The following HIBCH variants were observed in gnomAD, a reference collection of about 807,000 sequenced individuals.
HIBCH encodes 3-hydroxyisobutyryl-CoA hydrolase, mitochondrial.
In HIBCH, 50 loss-of-function variants were observed where a neutral mutation model predicts 58.2. The observed-to-expected ratio is 0.86, with a 90% CI of 0.68 to 1.09. The LOEUF (loss-of-function observed/expected upper bound fraction) is 1.09. Among genes scored for constraint, HIBCH ranks in the 50% least tolerant of loss-of-function variants. HIBCH has a pLI of 0.00. For missense variants in HIBCH, 450 were observed against 449.7 expected, an observed-to-expected ratio of 1.00 and a Z score of -0.01; for synonymous variants, 151 against 146.9, an observed-to-expected ratio of 1.03 and a Z score of -0.20.
chr2:190,244,528 A>G (rs933551264), intron 11 of HIBCH, among the ~76,000 whole-genome samples: 1 of 152,222 alleles, frequency 6.6e-6, no homozygotes, highest in Non-Finnish European at 1.5e-5. Context: ...GCAATGTATC[A>G]TAAGGTGACT....
intron 11 of HIBCH, among the ~76,000 whole-genome samples, chr2:190,222,113 T>G (rs1685737447): frequency 6.6e-6 from 1 of 152,150 alleles, no homozygotes; most frequent in Non-Finnish European, 1.5e-5. Context: ...CTTTCTGGGC[T>G]TCAGGGGTCA....
intron 11 of HIBCH, among the ~76,000 whole-genome samples, chr2:190,225,945 G>A (rs1685879185): frequency 6.6e-6 from 1 of 152,156 alleles, no homozygotes; most frequent in Admixed American, 6.5e-5. Context: ...CTTCATCCCT[G>A]GGATGCAAGG....
intron 9 of HIBCH, 84 bp from the exon 10 acceptor site, chr2:190,246,296 A>G (rs916396304): frequency 1.3e-6 from 1 of 778,204 alleles, no homozygotes; most frequent in East Asian, 2.7e-5. Context: ...ACACTTTGTG[A>G]AAGATTGTCA....
intron 6 of HIBCH, among the ~76,000 whole-genome samples, chr2:190,283,393 T>A (rs1687753930): frequency 6.6e-6 from 1 of 152,156 alleles, no homozygotes; most frequent in Admixed American, 6.6e-5. Context: ...AATAGGGGAA[T>A]GACACAGCAG....
chr2:190,241,225 A>G (rs527909898), intron 11 of HIBCH, among the ~76,000 whole-genome samples: 17 of 152,204 alleles, frequency 1.1e-4, no homozygotes, highest in African/African-American at 4.1e-4. Context: ...CCATTATGTA[A>G]TGCCTTTGTC....
intron 7 of HIBCH, 57 bp downstream of exon 7, chr2:190,261,099 A>G: frequency 7.9e-7 from 1 of 1,261,128 alleles, no homozygotes; most frequent in South Asian, 1.2e-5. Context: ...AAACTCTGAA[A>G]CATATCAAAA....
intron 4 of HIBCH, among the ~76,000 whole-genome samples, chr2:190,293,155 G>C (rs889496794): frequency 2.3e-4 from 35 of 151,526 alleles, no homozygotes; most frequent in Non-Finnish European, 4.7e-4. Context: ...TCACAGGCCA[G>C]ACGAAAGGCT....
chr2:190,297,888 A>G (rs1688145968), intron 2 of HIBCH, among the ~76,000 whole-genome samples: 1 of 152,044 alleles, frequency 6.6e-6, no homozygotes, highest in Non-Finnish European at 1.5e-5. Context: ...TATTTGTTCT[A>G]AAGTTCTCCC....
chr2:190,224,209 G>A (rs1685819317), intron 11 of HIBCH, among the ~76,000 whole-genome samples: 1 of 152,236 alleles, frequency 6.6e-6, no homozygotes, highest in Non-Finnish European at 1.5e-5. Context: ...GCTGGGGAAG[G>A]GGCGTCGGCC....
intron 11 of HIBCH, 50 bp from the exon 12 acceptor site, chr2:190,213,125 T>A (rs754026341): frequency 7.2e-7 from 1 of 1,398,350 alleles, no homozygotes; most frequent in South Asian, 1.2e-5. Context: ...TCCTTTATTG[T>A]CTATAATAAA....
intron 6 of HIBCH, among the ~76,000 whole-genome samples, chr2:190,273,243 AT>A (rs1393393789): frequency 6.6e-6 from 1 of 152,022 alleles, no homozygotes; most frequent in Admixed American, 6.5e-5. Flanking sequence ...AAATACAAAA[AT>A]TAGCCAGGTG....
intron 1 of HIBCH, among the ~76,000 whole-genome samples, chr2:190,317,177 C>A (rs145533764): frequency 1.4e-3 from 219 of 152,330 alleles, no homozygotes; most frequent in Non-Finnish European, 2.6e-3. Context: ...GCTAGGATTA[C>A]AGGCATGAAC....
intron 4 of HIBCH, among the ~76,000 whole-genome samples, chr2:190,293,755 C>T (rs1445474708): frequency 6.6e-6 from 1 of 151,474 alleles, no homozygotes; most frequent in Non-Finnish European, 1.5e-5. Flanking sequence ...CTGAACCCTA[C>T]CAAATCCACA....
rs1685606537 is a variant in HIBCH, at chr2:190,217,959, T to G, written c.892-4884A>C. 6.6e-6 allele frequency among the ~76,000 whole-genome samples: 1 copy of G among 151,748 alleles called. No individual in the cohort carries two copies. Among genetic ancestry groups the G allele is most frequent in the African/African-American group, 2.4e-5 (1 of 41,268 alleles). ...TATGAGCAGGCTCCGTCATTGGGGG[T>G]GGATACGGTTAGGATTAATCCTAAC... On this transcript the variant is annotated intron_variant, in intron 11 of 13. Transcript: ENST00000359678. This position sits in a 1 kb window ranked among gnomAD's most constrained non-coding sequence, Gnocchi z 4.6.
chr2:190,250,118 T>C (rs1686719746), intron 8 of HIBCH: 2 of 250,448 alleles, frequency 8.0e-6, no homozygotes, highest in African/African-American at 4.6e-5. Context: ...TATTTATCCA[T>C]CTAATCCCTC....
intron 2 of HIBCH, among the ~76,000 whole-genome samples, chr2:190,302,212 G>A (rs1688281797): frequency 6.6e-6 from 1 of 152,230 alleles, no homozygotes; most frequent in African/African-American, 2.4e-5. Flanking sequence ...CAGAAGCCAA[G>A]AGCAAGCACT....
intron 6 of HIBCH, among the ~76,000 whole-genome samples, chr2:190,269,280 A>G (rs551429476): frequency 6.6e-6 from 1 of 152,346 alleles, no homozygotes; most frequent in African/African-American, 2.4e-5. Flanking sequence ...AGAAACTGTC[A>G]TCAACGTGAA....
Position 190,243,365 on chromosome 2 carries a change from T to G in HIBCH, c.891+1522A>C, listed in dbSNP as rs10173593. Among the ~76,000 whole-genome samples the G allele has an allele frequency of 0.3, 45,139 of 152,034 alleles. 7,513 individuals carry two copies. The highest frequency in any genetic ancestry group is 0.46 in the East Asian group (2,349 of 5,158). On this transcript the variant is annotated intron_variant, in intron 11 of 13. Coordinates refer to ENST00000359678, the MANE Select transcript of HIBCH (RefSeq NM_014362.4). This position sits in a 1 kb window ranked among gnomAD's most constrained non-coding sequence, Gnocchi z 4.1. ...TTGCTCCTCAAGCTTGTAGACAGCCTACTGTGGGACCTTGTGATTGTGCAG... is the reference window on the plus strand; with the variant it reads ...TTGCTCCTCAAGCTTGTAGACAGCCGACTGTGGGACCTTGTGATTGTGCAG...
At chr2:190,258,559 C>T (rs1686995187) in intron 7 of HIBCH, among the ~76,000 whole-genome samples, 1 of 152,192 alleles carries the variant, frequency 6.6e-6, no homozygotes, top group African/African-American at 2.4e-5. Context: ...TATGCACAGA[C>T]CTTGGGAGCC....
Sources: allele counts gnomAD v4.1 joint callset (sites outside exome capture counted in the v4.1 genomes callset), GRCh38; gene constraint gnomAD v4.1.1; non-coding constraint Gnocchi (gnomAD v3.1); transcripts MANE v1.5; gene names NCBI Gene and HGNC (gene_info 2026-07-23, HGNC 2026-07-21).